GALNT13: variants seen among roughly 807,000 people sequenced by gnomAD.
The protein encoded by GALNT13 is UDP-GalNAc:polypeptide N-acetylgalactosaminyltransferase 13.
Under a neutral mutation model 64.2 loss-of-function variants are expected in GALNT13, and 28 were observed. The ratio of observed to expected loss-of-function variants is 0.44; its 90% CI spans 0.32 to 0.60. The LOEUF (loss-of-function observed/expected upper bound fraction) is 0.60, where lower values mean the gene tolerates loss of function less well. Ranked by LOEUF, GALNT13 falls within the 20% of genes least tolerant of loss-of-function variation. GALNT13 has a pLI of 0.05. For missense variants in GALNT13, 577 were observed against 669.8 expected, an observed-to-expected ratio of 0.86 and a Z score of 1.53; for synonymous variants, 214 against 224.6, an observed-to-expected ratio of 0.95 and a Z score of 0.42.
chr2:154,310,849 A>G (rs1303746358), intron 9 of GALNT13, among the ~76,000 whole-genome samples: 1 of 152,104 alleles, frequency 6.6e-6, no homozygotes, highest in Non-Finnish European at 1.5e-5. Flanking sequence ...GGCCTTCCAC[A>G]TAAAGTTTTT....
At chr2:153,202,157 T>C in the GALNT13 span, among the ~76,000 whole-genome samples, 1 of 151,836 alleles carries the variant, frequency 6.6e-6, no homozygotes, top group Admixed American at 6.6e-5. Context: ...GCTAATTTTT[T>C]GTATTTTTAG....
At chr2:153,541,865 T>C in the GALNT13 span, among the ~76,000 whole-genome samples, 2,717 of 152,324 alleles carry the variant, frequency 0.018, 88 homozygotes, top group African/African-American at 0.06. Flanking sequence ...GCCTTCATTC[T>C]GAAAGCTCTT....
At chr2:154,271,687 C>T (rs963152556) in intron 8 of GALNT13, among the ~76,000 whole-genome samples, 5 of 151,802 alleles carry the variant, frequency 3.3e-5, no homozygotes, top group Non-Finnish European at 5.9e-5. Flanking sequence ...CAAAAATACT[C>T]GTCTACTATC....
the GALNT13 span, among the ~76,000 whole-genome samples, chr2:153,587,592 A>C: frequency 1.3e-5 from 2 of 152,298 alleles, no homozygotes; most frequent in Non-Finnish European, 2.9e-5. Flanking sequence ...CACTATCACA[A>C]GAACAGCATG....
chr2:153,231,884 T>C, the GALNT13 span, among the ~76,000 whole-genome samples: 33 of 152,074 alleles, frequency 2.2e-4, no homozygotes, highest in African/African-American at 8.0e-4. Context: ...CAAATTAGAT[T>C]GGTTTCAGCA....
chr2:154,117,289 A>G (rs1432988718), intron 3 of GALNT13, among the ~76,000 whole-genome samples: 1 of 152,216 alleles, frequency 6.6e-6, no homozygotes, highest in Non-Finnish European at 1.5e-5. Context: ...CTCAGTCAAC[A>G]CTTAATCATC....
At chr2:153,212,619 A>T in the GALNT13 span, among the ~76,000 whole-genome samples, 2 of 152,200 alleles carry the variant, frequency 1.3e-5, no homozygotes, top group African/African-American at 4.8e-5. Flanking sequence ...TAGATTTGAA[A>T]GGATGCTAGA....
the GALNT13 span, among the ~76,000 whole-genome samples, chr2:153,672,529 A>T: frequency 6.6e-6 from 1 of 152,222 alleles, no homozygotes; most frequent in African/African-American, 2.4e-5. Context: ...AACATACCAG[A>T]ATCTCTGGGA....
chr2:153,866,852 T>C, the GALNT13 span, among the ~76,000 whole-genome samples: 1 of 152,226 alleles, frequency 6.6e-6, no homozygotes, highest in African/African-American at 2.4e-5. Context: ...AAAATTTGTC[T>C]GCACAAGTAT....
At chr2:153,507,604 A>G in the GALNT13 span, among the ~76,000 whole-genome samples, 1 of 152,026 alleles carries the variant, frequency 6.6e-6, no homozygotes, top group Admixed American at 6.6e-5. Context: ...TTTAAGTTGA[A>G]GTTCACTTTT....
At chr2:153,501,593 A>C in the GALNT13 span, among the ~76,000 whole-genome samples, 3 of 152,066 alleles carry the variant, frequency 2.0e-5, no homozygotes, top group Non-Finnish European at 2.9e-5. Flanking sequence ...CGACCACCCA[A>C]CATGCTGGGA....
the GALNT13 span, among the ~76,000 whole-genome samples, chr2:153,811,912 T>C: frequency 1.3e-5 from 2 of 152,204 alleles, no homozygotes; most frequent in South Asian, 4.1e-4. Context: ...TATCTCTTTT[T>C]AAATTGAGAT....
chr2:154,256,242 G>C (rs1054985043), intron 7 of GALNT13, among the ~76,000 whole-genome samples: 1 of 148,122 alleles, frequency 6.8e-6, no homozygotes, highest in Non-Finnish European at 1.5e-5. Context: ...ATTCACCCAA[G>C]CACCAAAATT....
At chr2:153,976,686 A>G (rs1454147308) in intron 3 of GALNT13, among the ~76,000 whole-genome samples, 1 of 152,114 alleles carries the variant, frequency 6.6e-6, no homozygotes, top group South Asian at 2.1e-4. Flanking sequence ...TTCTCGTAGA[A>G]ATAGATTTTT....
chr2:153,253,446 T>A, the GALNT13 span, among the ~76,000 whole-genome samples: 1 of 135,102 alleles, frequency 7.4e-6, no homozygotes, highest in Non-Finnish European at 1.6e-5. Context: ...TTTTCCTAAT[T>A]GAATACCCTT....
intron 3 of GALNT13, among the ~76,000 whole-genome samples, chr2:154,008,549 C>A (rs891468959): frequency 6.6e-6 from 1 of 151,770 alleles, no homozygotes; most frequent in Non-Finnish European, 1.5e-5. Context: ...AAGCATAGTA[C>A]CCCATTTGTA....
At chr2:153,131,898 T>A in the GALNT13 span, among the ~76,000 whole-genome samples, 1 of 151,956 alleles carries the variant, frequency 6.6e-6, no homozygotes, top group African/African-American at 2.4e-5. Context: ...GGCCCCACAC[T>A]CTGAGAGTGA....
At chr2:153,510,796 G>C in the GALNT13 span, among the ~76,000 whole-genome samples, 2 of 152,066 alleles carry the variant, frequency 1.3e-5, no homozygotes, top group Admixed American at 6.5e-5. Context: ...AAAAGAGACA[G>C]AGACTGTGGT....
chr2:153,138,901 T>C, the GALNT13 span, among the ~76,000 whole-genome samples: 2 of 152,042 alleles, frequency 1.3e-5, no homozygotes. Flanking sequence ...GTTGAGTATG[T>C]GCTCAAAGAT....
Sources: allele counts gnomAD v4.1 joint callset (sites outside exome capture counted in the v4.1 genomes callset), GRCh38; gene constraint gnomAD v4.1.1; transcripts MANE v1.5; gene names NCBI Gene and HGNC (gene_info 2026-07-23, HGNC 2026-07-21).